Variants in CIMIP2A observed in about 807,000 individuals in gnomAD.
CIMIP2A encodes the protein family with sequence similarity 166 member A.
At chr9:137,253,737 G>T in the CIMIP2A span, among the ~76,000 whole-genome samples, 103,341 of 152,030 alleles carry the variant, frequency 0.68, 35,742 homozygotes, top group Admixed American at 0.77. Flanking sequence ...TCCACCTGAG[G>T]GTCAGCTGCT....
chr9:137,252,545 G>A, the CIMIP2A span: 1 of 1,561,068 alleles, frequency 6.4e-7, no homozygotes, highest in Non-Finnish European at 8.7e-7. Context: ...TGGGCAGGAA[G>A]GGGGCGGGGA....
the CIMIP2A span, among the ~76,000 whole-genome samples, chr9:137,247,940 C>T: frequency 2.0e-5 from 3 of 152,264 alleles, no homozygotes; most frequent in Non-Finnish European, 2.9e-5. Flanking sequence ...GCAGGTGGTC[C>T]GGGAGGAAGT....
the CIMIP2A span, chr9:137,244,051 T>A: frequency 8.0e-5 from 89 of 1,115,710 alleles, no homozygotes; most frequent in Non-Finnish European, 1.1e-4. Context: ...CCAACCAAGG[T>A]GGGACCCTGG....
At chr9:137,248,246 C>T in the CIMIP2A span, among the ~76,000 whole-genome samples, 2 of 152,220 alleles carry the variant, frequency 1.3e-5, no homozygotes, top group Admixed American at 6.5e-5. Context: ...GACTTCCTAA[C>T]CATAAAAATG....
chr9:137,247,538 C>A, the CIMIP2A span: 9 of 893,962 alleles, frequency 1.0e-5, no homozygotes, highest in Admixed American at 1.8e-4. Context: ...CGTGGTGTGG[C>A]CTTCAGTTTC....
chr9:137,247,529 G>T, the CIMIP2A span: 1 of 827,288 alleles, frequency 1.2e-6, no homozygotes, highest in South Asian at 1.6e-5. Flanking sequence ...GCAGTGCCCC[G>T]TGGTGTGGCC....
At chr9:137,246,339 A>G in the CIMIP2A span, among the ~76,000 whole-genome samples, 2 of 152,150 alleles carry the variant, frequency 1.3e-5, no homozygotes, top group Non-Finnish European at 2.9e-5. Context: ...GAGAACTGGG[A>G]GGCAGGTGGA....
the CIMIP2A span, chr9:137,244,468 C>T: frequency 6.7e-7 from 1 of 1,499,774 alleles, no homozygotes; most frequent in Admixed American, 2.1e-5. Context: ...CCAAGCAAGA[C>T]TCAGGAGAGA....
At chr9:137,251,079 G>A in the CIMIP2A span, 2 of 581,780 alleles carry the variant, frequency 3.4e-6, no homozygotes, top group Non-Finnish European at 6.2e-6. Context: ...TGGGCCAGGA[G>A]TCACCGGGGC....
the CIMIP2A span, among the ~76,000 whole-genome samples, chr9:137,254,110 A>ACCTC: frequency 6.6e-6 from 1 of 151,722 alleles, no homozygotes; most frequent in East Asian, 1.9e-4. Flanking sequence ...CGTCACCCGC[A>ACCTC]CCTCCCCAGG....
At chr9:137,254,730 CTG>C in the CIMIP2A span, among the ~76,000 whole-genome samples, 284 of 152,030 alleles carry the variant, frequency 1.9e-3, 3 homozygotes, top group East Asian at 0.017. Context: ...AGAAGGGACA[CTG>C]TGGAACCTGG....
At chr9:137,244,270 G>A in the CIMIP2A span, 1 of 1,613,780 alleles carries the variant, frequency 6.2e-7, no homozygotes, top group Middle Eastern at 1.7e-4. Context: ...AGGTCACAGT[G>A]GGGGTTTCTA....
At chr9:137,253,775 C>T in the CIMIP2A span, among the ~76,000 whole-genome samples, 1 of 152,184 alleles carries the variant, frequency 6.6e-6, no homozygotes, top group Admixed American at 6.5e-5. Flanking sequence ...GGGAAGGAGG[C>T]GTCAAATGCC....
At chr9:137,244,058 C>T in the CIMIP2A span, 1 of 1,150,460 alleles carries the variant, frequency 8.7e-7, no homozygotes, top group South Asian at 1.3e-5. Context: ...AGGTGGGACC[C>T]TGGTAATGGT....
chr9:137,245,314 T>A, the CIMIP2A span: 1 of 1,586,102 alleles, frequency 6.3e-7, no homozygotes, highest in Admixed American at 1.7e-5. Context: ...TGCCTGGTGC[T>A]GCCTGGGGGC....
At chr9:137,254,055 T>C in the CIMIP2A span, among the ~76,000 whole-genome samples, 1 of 152,054 alleles carries the variant, frequency 6.6e-6, no homozygotes, top group African/African-American at 2.4e-5. Context: ...CTACCCAGGG[T>C]CGGGCCCCAA....
At chr9:137,251,085 G>A in the CIMIP2A span, 88 of 585,944 alleles carry the variant, frequency 1.5e-4, no homozygotes, top group East Asian at 9.4e-4. Flanking sequence ...AGGAGTCACC[G>A]GGGCAGGCTG....
chr9:137,253,028 G>A, the CIMIP2A span: 8 of 1,530,552 alleles, frequency 5.2e-6, no homozygotes, highest in South Asian at 7.4e-5. Context: ...TGAGGACAAG[G>A]GTTCAGGGGC....
the CIMIP2A span, chr9:137,245,327 C>T: frequency 2.2e-5 from 35 of 1,591,934 alleles, no homozygotes; most frequent in Admixed American, 3.8e-4. Context: ...CTGGGGGCCT[C>T]GCAAACAGGA....
Sources: gnomAD v4.1 joint callset for allele counts (sites outside exome capture counted in the v4.1 genomes callset) on GRCh38, gnomAD v4.1.1 for gene constraint, MANE v1.5 for transcripts, NCBI Gene and HGNC (gene_info 2026-07-23, HGNC 2026-07-21) for gene names.